The following CACNB2 variants were observed in gnomAD, a reference collection of about 807,000 sequenced individuals.
CACNB2 encodes calcium voltage-gated channel auxiliary subunit beta 2, also known as voltage-dependent L-type calcium channel subunit beta-2.
A neutral mutation model predicts 73.3 loss-of-function variants in CACNB2; 42 were observed. The observed-to-expected ratio is 0.57, with a 90% CI of 0.45 to 0.74. CACNB2 has a LOEUF of 0.74. CACNB2 is among the 30% of genes least tolerant of loss of function. CACNB2 has a pLI of 0.00. For synonymous variants in CACNB2, 348 were observed against 310.3 expected, an observed-to-expected ratio of 1.12 and a Z score of -1.28; for missense variants, 940 against 853.0, an observed-to-expected ratio of 1.10 and a Z score of -1.27.
chr10:18,505,284 T>G (rs1252742172), intron 5 of CACNB2, among the ~76,000 whole-genome samples: 1 of 151,802 alleles, frequency 6.6e-6, no homozygotes, highest in Non-Finnish European at 1.5e-5. Context: ...AATGTTTTGG[T>G]CTTGGTAATA....
chr10:18,539,172 G>C, intron 13 of CACNB2, 58 bp from the exon 14 acceptor site: 1 of 1,610,472 alleles, frequency 6.2e-7, no homozygotes, highest in Non-Finnish European at 8.5e-7. Flanking sequence ...CTTGCTCTGG[G>C]ACATGTTCTT....
chr10:18,532,408 T>C (rs2133265785), intron 10 of CACNB2, among the ~76,000 whole-genome samples: 1 of 152,136 alleles, frequency 6.6e-6, no homozygotes, highest in South Asian at 2.1e-4. Context: ...GCGCAGTGGC[T>C]CACGCCTGTA....
At chr10:18,529,817 A>G (rs982235172) in intron 10 of CACNB2, among the ~76,000 whole-genome samples, 2 of 152,288 alleles carry the variant, frequency 1.3e-5, no homozygotes, top group Admixed American at 6.5e-5. Flanking sequence ...GTCCTTATCT[A>G]TCACACTTAA....
intron 2 of CACNB2, among the ~76,000 whole-genome samples, chr10:18,223,808 C>G (rs1019840366): frequency 6.6e-6 from 1 of 152,026 alleles, no homozygotes; most frequent in African/African-American, 2.4e-5. Flanking sequence ...AGACAGAATC[C>G]TATTGCAGAA....
chr10:18,511,958 T>G (rs2050818468), intron 6 of CACNB2, among the ~76,000 whole-genome samples: 1 of 152,168 alleles, frequency 6.6e-6, no homozygotes, highest in South Asian at 2.1e-4. Context: ...AATTTTGAGT[T>G]TTTTAATCTT....
At chr10:18,434,192 A>G (rs1051276781) in intron 3 of CACNB2, among the ~76,000 whole-genome samples, 2 of 152,186 alleles carry the variant, frequency 1.3e-5, no homozygotes, top group African/African-American at 4.8e-5. Flanking sequence ...ATATGGTATG[A>G]TTTTAAAGAT....
At chr10:18,261,392 C>T in intron 2 of CACNB2, 1 of 1,549,594 alleles carries the variant, frequency 6.5e-7, no homozygotes. Flanking sequence ...CATGTTGCCT[C>T]TTTCAGCTGT....
At chr10:18,357,506 TACAGGTGTGCGGCTATTAAAG>T (rs1279336757) in intron 2 of CACNB2, among the ~76,000 whole-genome samples, 2 of 152,238 alleles carry the variant, frequency 1.3e-5, no homozygotes, top group Non-Finnish European at 2.9e-5. Context: ...GATGTACACC[TACAGGTGTGCGGCTATTAAAG>T]ACAATAGTTA....
rs899028343 is a variant in CACNB2 at position 18,539,907 on chromosome 10, T to C, written c.*183T>C. 4.3e-6 allele frequency: 3 copies of C among 694,450 alleles called. No individual in the cohort carries two copies. In the African/African-American group the frequency reaches 5.4e-5, roughly 12 times the overall value. 43.0% of individuals were successfully genotyped at this position (694,450 alleles called of 1,614,324 possible). A position where few individuals can be genotyped will look rare whatever the true frequency, so the allele number is the denominator to read the frequency against. On this transcript the variant is annotated 3_prime_UTR_variant, in exon 14 of 14. Coordinates refer to ENST00000324631, the MANE Select transcript of CACNB2 (RefSeq NM_201596.3). Reference sequence around the variant, plus strand: ...TAGAGTATTGAGATACTTTTTCTTTTGTAAGTGCTACATAAATTGGCCTGG... The same window carrying C: ...TAGAGTATTGAGATACTTTTTCTTTCGTAAGTGCTACATAAATTGGCCTGG...
chr10:18,165,391 A>G (rs1299082756), intron 2 of CACNB2, among the ~76,000 whole-genome samples: 1 of 152,200 alleles, frequency 6.6e-6, no homozygotes, highest in Non-Finnish European at 1.5e-5. Flanking sequence ...AAACGATGTC[A>G]CTGCACCTGT....
chr10:18,453,358 G>T (rs2047107175), intron 3 of CACNB2, among the ~76,000 whole-genome samples: 1 of 152,198 alleles, frequency 6.6e-6, no homozygotes, highest in African/African-American at 2.4e-5. Flanking sequence ...TGACTTTCCA[G>T]TGTCCTTCCT....
chr10:18,487,519 C>A (rs2049127257), intron 3 of CACNB2, among the ~76,000 whole-genome samples: 1 of 152,068 alleles, frequency 6.6e-6, no homozygotes, highest in Admixed American at 6.6e-5. Context: ...GGTGGTTGGT[C>A]TCTTCAGCAG....
At chr10:18,326,481 G>A (rs767463407) in intron 2 of CACNB2, among the ~76,000 whole-genome samples, 2 of 152,280 alleles carry the variant, frequency 1.3e-5, no homozygotes, top group Admixed American at 6.5e-5. Flanking sequence ...GAGAAGGAGC[G>A]GGTGGAAGTA....
Position 18,539,792 on chromosome 10 carries a change from C to CAAAAAGTCTTTCCCCAAAACAA in CACNB2, c.*71_*72insAAGTCTTTCCCCAAAACAAAAA, listed in dbSNP as rs3841459. On this transcript the variant is annotated 3_prime_UTR_variant, in exon 14 of 14. Transcript: ENST00000324631. ...TGTATAACTAACAGCATCCCCAAAACAAAGTCTTTGGGGTCTACACTGCAA... is the reference window on the plus strand; with the variant it reads ...TGTATAACTAACAGCATCCCCAAAACAAAAAGTCTTTCCCCAAAACAAAAAGTCTTTGGGGTCTACACTGCAA... The CAAAAAGTCTTTCCCCAAAACAA allele has an allele frequency of 6.7e-7, 1 of 1,497,714 alleles. No homozygotes were observed. Among genetic ancestry groups the CAAAAAGTCTTTCCCCAAAACAA allele is most frequent in the Non-Finnish European group, 9.1e-7 (1 of 1,104,970 alleles). 92.8% of individuals were successfully genotyped at this position (1,497,714 alleles called of 1,614,324 possible).
chr10:18,285,195 G>C (rs929329773), intron 2 of CACNB2, among the ~76,000 whole-genome samples: 1 of 152,166 alleles, frequency 6.6e-6, no homozygotes, highest in Non-Finnish European at 1.5e-5. Context: ...TCTTTGTACA[G>C]TCCTCTCCCT....
chr10:18,255,614 T>C (rs572291195), intron 2 of CACNB2, among the ~76,000 whole-genome samples: 6 of 152,288 alleles, frequency 3.9e-5, no homozygotes, highest in Admixed American at 2.6e-4. Context: ...AGCACTCAGT[T>C]GATATTGTTG....
At chr10:18,276,388 C>T (rs1387506207) in intron 2 of CACNB2, among the ~76,000 whole-genome samples, 2 of 152,186 alleles carry the variant, frequency 1.3e-5, no homozygotes, top group African/African-American at 4.8e-5. Context: ...GGCACCCTCA[C>T]CCCACAAACA....
intron 3 of CACNB2, among the ~76,000 whole-genome samples, chr10:18,442,231 C>T (rs1291221227): frequency 6.6e-6 from 1 of 151,986 alleles, no homozygotes; most frequent in East Asian, 2.0e-4. Flanking sequence ...CTCACTGCAA[C>T]CTCCGCCTCC....
chr10:18,470,651 C>T (rs2048137529), intron 3 of CACNB2, among the ~76,000 whole-genome samples: 2 of 152,044 alleles, frequency 1.3e-5, no homozygotes, highest in Admixed American at 6.6e-5. Context: ...CTAAATTATA[C>T]ATGCAGTTCA....
Sources: allele counts gnomAD v4.1 joint callset (sites outside exome capture counted in the v4.1 genomes callset), GRCh38; gene constraint gnomAD v4.1.1; transcripts MANE v1.5; gene names NCBI Gene and HGNC (gene_info 2026-07-23, HGNC 2026-07-21).